Variants in RALGAPB observed in about 807,000 individuals in gnomAD.
RALGAPB encodes Ral GTPase activating protein non-catalytic subunit beta.
A neutral mutation model predicts 161.1 loss-of-function variants in RALGAPB; 25 were observed. The observed-to-expected ratio is 0.16, with a 90% CI of 0.11 to 0.22. The LOEUF (loss-of-function observed/expected upper bound fraction) is 0.22. Among genes scored for constraint, RALGAPB ranks in the 10% least tolerant of loss-of-function variants. The probability of loss-of-function intolerance (pLI) is 1.00; values close to 1 mark genes in which losing one functional copy is unlikely to be tolerated. For synonymous variants in RALGAPB, 629 were observed against 626.1 expected (o/e 1.00, Z -0.07); for missense variants, 1,391 against 1,815.2 (o/e 0.77, Z 4.25).
In RALGAPB at chr20:38,546,273, A is replaced by G; in HGVS notation, c.2745A>G (p.Ser915=). The G allele has an allele frequency of 6.2e-7, 1 of 1,614,010 alleles. No individual in the cohort carries two copies. The highest frequency in any genetic ancestry group is 8.5e-7 in the Non-Finnish European group (1 of 1,179,964). ...TGCAGTTGCTCGGCGCATTTCCTTC[A>G]CCTAGTGGTCCTGCCTCTCCTTGTA... is the stretch of plus-strand genomic sequence containing the variant. The part of the protein sequence containing the change: ...CIMQLLGAFP[S]PSGPASPCSL... The change falls in exon 19 of 30, where the codon TCA becomes TCG. Residue 915 remains serine (S), a synonymous_variant. Transcript: ENST00000262879.
intron 23 of RALGAPB, among the ~76,000 whole-genome samples, chr20:38,559,293 C>T (rs2087704606): frequency 6.6e-6 from 1 of 152,220 alleles, no homozygotes; most frequent in African/African-American, 2.4e-5. Context: ...GTAACAGTTT[C>T]CTTTTTGAGA....
At chr20:38,513,293 C>T (rs1473759462) in intron 6 of RALGAPB, among the ~76,000 whole-genome samples, 1 of 149,470 alleles carries the variant, frequency 6.7e-6, no homozygotes, top group East Asian at 2.0e-4. Flanking sequence ...CCCTTGAAGT[C>T]AGGAGTTCGA....
chr20:38,506,074 C>T (rs1001366116), intron 5 of RALGAPB, among the ~76,000 whole-genome samples: 16 of 151,882 alleles, frequency 1.1e-4, no homozygotes, highest in African/African-American at 3.1e-4. Context: ...AGTACTGCAT[C>T]GAATCTGTGC....
At chr20:38,531,989 T>C (rs766493809) in intron 14 of RALGAPB, among the ~76,000 whole-genome samples, 6 of 152,200 alleles carry the variant, frequency 3.9e-5, no homozygotes, top group Non-Finnish European at 7.3e-5. Flanking sequence ...TTGTTTGTGT[T>C]TTCTGATATA....
intron 20 of RALGAPB, among the ~76,000 whole-genome samples, chr20:38,550,304 AT>A (rs1032780565): frequency 1.4e-4 from 22 of 152,362 alleles, no homozygotes; most frequent in East Asian, 9.6e-4. Context: ...TAATAAAAAA[AT>A]GTGATTAAAA....
intron 18 of RALGAPB, among the ~76,000 whole-genome samples, chr20:38,542,156 T>C (rs1301138551): frequency 6.6e-6 from 1 of 152,156 alleles, no homozygotes; most frequent in Non-Finnish European, 1.5e-5. Flanking sequence ...TGAAAGGATA[T>C]GTGCAGATGA....
At chr20:38,568,379 C>G (rs1199640402) in intron 26 of RALGAPB, 1 of 152,148 alleles carries the variant, frequency 6.6e-6, no homozygotes, top group East Asian at 1.9e-4. Flanking sequence ...ATAGAACTTT[C>G]TCAACTTGAT....
chr20:38,501,742 A>T (rs1353934995), intron 5 of RALGAPB, among the ~76,000 whole-genome samples: 1 of 152,148 alleles, frequency 6.6e-6, no homozygotes, highest in Non-Finnish European at 1.5e-5. Flanking sequence ...TGACCATTGA[A>T]CAACATGTAT....
intron 16 of RALGAPB, among the ~76,000 whole-genome samples, chr20:38,535,615 C>T (rs190386680): frequency 1.1e-4 from 16 of 142,134 alleles, no homozygotes; most frequent in East Asian, 8.1e-4. Flanking sequence ...TTTTTTGAGA[C>T]GGAGTCTTGC....
chr20:38,530,851 A>G (rs2086630976), intron 13 of RALGAPB, among the ~76,000 whole-genome samples: 2 of 150,854 alleles, frequency 1.3e-5, no homozygotes, highest in Non-Finnish European at 2.9e-5. Flanking sequence ...TCGGCCACCC[A>G]AAGTGCTGGG....
At chr20:38,522,062 C>G (rs1054961345) in intron 10 of RALGAPB, among the ~76,000 whole-genome samples, 1 of 152,166 alleles carries the variant, frequency 6.6e-6, no homozygotes, top group Non-Finnish European at 1.5e-5. Flanking sequence ...TGGGCAAAGC[C>G]CCAAACAAAG....
intron 5 of RALGAPB, among the ~76,000 whole-genome samples, chr20:38,504,102 A>T (rs1157182695): frequency 6.6e-6 from 1 of 152,188 alleles, no homozygotes; most frequent in Non-Finnish European, 1.5e-5. Flanking sequence ...TATTGCAACC[A>T]AAAAAGAGCT....
intron 1 of RALGAPB, among the ~76,000 whole-genome samples, chr20:38,485,711 G>T (rs993592589): frequency 3.3e-5 from 5 of 152,142 alleles, no homozygotes; most frequent in African/African-American, 4.8e-5. Flanking sequence ...ACAGGTGTGA[G>T]CCAGAGTTGA....
chr20:38,520,585 A>T (rs2086261551), intron 9 of RALGAPB, among the ~76,000 whole-genome samples: 1 of 79,146 alleles, frequency 1.3e-5, no homozygotes, highest in Non-Finnish European at 2.4e-5. Context: ...TTAGTGTTTG[A>T]TTTGTATGCA....
chr20:38,488,734 C>T (rs527977911), intron 2 of RALGAPB, 116 bp downstream of exon 2: 206 of 996,182 alleles, frequency 2.1e-4, no homozygotes, highest in East Asian at 2.4e-4. Context: ...AGTAGAATAA[C>T]GTCAACTTTT....
At position 38,517,921 on chromosome 20, in the gene RALGAPB, C is replaced by G. The variant is rs148846201; in HGVS notation, c.1338C>G (p.Leu446=). The change falls in exon 9 of 30, where the codon CTC becomes CTG. Residue 446 remains leucine, a synonymous_variant. Transcript: ENST00000262879. ...CAAAGGTTAACAGCATCTTGAATCT[C>G]TTTGGATCATGGTTATTTGATGCAG... ...RRPKVNSILN[L]FGSWLFDAAF... 1.9e-5 allele frequency: 31 copies of G among 1,614,124 alleles called. No individual in the cohort carries two copies. In the East Asian group the frequency reaches 5.3e-4, roughly 28 times the overall value.
At chr20:38,545,308 G>A (rs2087126175) in intron 18 of RALGAPB, among the ~76,000 whole-genome samples, 1 of 151,920 alleles carries the variant, frequency 6.6e-6, no homozygotes, top group South Asian at 2.1e-4. Flanking sequence ...AATAATAGTG[G>A]TACCTATTGT....
intron 1 of RALGAPB, among the ~76,000 whole-genome samples, chr20:38,485,855 T>A (rs1864039630): frequency 6.6e-6 from 1 of 152,214 alleles, no homozygotes; most frequent in African/African-American, 2.4e-5. Context: ...TTATAATGCA[T>A]TTCTTTGTTT....
intron 25 of RALGAPB, among the ~76,000 whole-genome samples, chr20:38,565,793 G>A (rs1238050893): frequency 6.6e-6 from 1 of 152,006 alleles, no homozygotes; most frequent in Non-Finnish European, 1.5e-5. Flanking sequence ...CTAATTACGA[G>A]TGATCCCTCA....
Sources: allele counts gnomAD v4.1 joint callset (sites outside exome capture counted in the v4.1 genomes callset), GRCh38; gene constraint gnomAD v4.1.1; transcripts MANE v1.5; gene names NCBI Gene and HGNC (gene_info 2026-07-23, HGNC 2026-07-21).